Variants in OPCML observed in about 807,000 individuals in gnomAD.
The protein encoded by OPCML is opioid binding protein/cell adhesion molecule like.
OPCML carries 13 observed loss-of-function variants against 37.8 expected under a neutral mutation model. The ratio of observed to expected loss-of-function variants is 0.34; its 90% CI spans 0.22 to 0.55. The LOEUF (loss-of-function observed/expected upper bound fraction) is 0.55. Ranked by LOEUF, OPCML falls within the 20% of genes least tolerant of loss-of-function variation. The pLI is 0.91. For synonymous variants in OPCML, 176 were observed against 168.8 expected (o/e 1.04, Z -0.33); for missense variants, 341 against 435.6 (o/e 0.78, Z 1.93).
intron 3 of OPCML, among the ~76,000 whole-genome samples, chr11:132,619,042 A>G (rs1158312749): frequency 6.6e-6 from 1 of 151,964 alleles, no homozygotes; most frequent in Non-Finnish European, 1.5e-5. Context: ...TTTCGAGGGA[A>G]AGCATGGAAG....
intron 1 of OPCML, among the ~76,000 whole-genome samples, chr11:133,171,633 A>C (rs2136269833): frequency 6.6e-6 from 1 of 152,354 alleles, no homozygotes; most frequent in Admixed American, 6.5e-5. Context: ...TTGTCTGGGG[A>C]GAATTTCACA....
chr11:132,876,333 C>T (rs1381929387), intron 2 of OPCML, among the ~76,000 whole-genome samples: 1 of 152,192 alleles, frequency 6.6e-6, no homozygotes, highest in African/African-American at 2.4e-5. Context: ...ATCCTAGCAA[C>T]TCCTGAGAGC....
chr11:132,809,684 G>A (rs1939217406), intron 2 of OPCML, among the ~76,000 whole-genome samples: 1 of 151,946 alleles, frequency 6.6e-6, no homozygotes, highest in African/African-American at 2.4e-5. Flanking sequence ...ATCTCCAAGT[G>A]TTTATTTATG....
chr11:133,385,091 G>A lies in OPCML; in HGVS notation c.61+147173C>T, dbSNP rs28410942. Among the ~76,000 whole-genome samples the A allele has an allele frequency of 5.3e-5, 8 of 152,246 alleles. No homozygotes were observed. In the East Asian group the frequency reaches 1.5e-3, roughly 29 times the overall value. On this transcript the variant is annotated intron_variant, in intron 1 of 7. Coordinates refer to ENST00000524381, the MANE Select transcript of OPCML (RefSeq NM_001012393.5). ...AATAATGCAGAAGGGAGGGTGGGGG[G>A]CTCAGAGGCTTGTCCTAAGAGGCAG...
At chr11:132,790,054 A>C (rs1300590698) in intron 2 of OPCML, among the ~76,000 whole-genome samples, 2 of 152,216 alleles carry the variant, frequency 1.3e-5, no homozygotes, top group Non-Finnish European at 2.9e-5. Context: ...AAAACTAAAA[A>C]TAGAACTACC....
At chr11:133,016,629 C>A (rs563772207) in intron 1 of OPCML, among the ~76,000 whole-genome samples, 21 of 152,288 alleles carry the variant, frequency 1.4e-4, no homozygotes, top group African/African-American at 5.1e-4. Context: ...TCATTATATT[C>A]ACAGGTACCT....
chr11:132,704,560 A>T (rs1943957221), intron 2 of OPCML, among the ~76,000 whole-genome samples: 1 of 152,362 alleles, frequency 6.6e-6, no homozygotes, highest in African/African-American at 2.4e-5. Flanking sequence ...AATGAAAGAT[A>T]TTACAGTTAT....
intron 1 of OPCML, among the ~76,000 whole-genome samples, chr11:133,112,050 A>T (rs1949262118): frequency 6.6e-6 from 1 of 152,172 alleles, no homozygotes; most frequent in Admixed American, 6.5e-5. Context: ...GCTGGTTCTT[A>T]GAAAATATAT....
At chr11:133,342,735 C>A (rs957384362) in intron 1 of OPCML, among the ~76,000 whole-genome samples, 9 of 152,168 alleles carry the variant, frequency 5.9e-5, no homozygotes, top group African/African-American at 2.2e-4. Context: ...TGCAGCTGAG[C>A]TGGCCCAGGC....
intron 3 of OPCML, among the ~76,000 whole-genome samples, chr11:132,620,879 T>C (rs1469047798): frequency 6.6e-6 from 1 of 152,168 alleles, no homozygotes; most frequent in Non-Finnish European, 1.5e-5. Context: ...TCACATTTCA[T>C]CTGAGGTTGG....
chr11:132,949,135 T>G (rs1945805832), intron 1 of OPCML, among the ~76,000 whole-genome samples: 1 of 152,192 alleles, frequency 6.6e-6, no homozygotes, highest in Admixed American at 6.5e-5. Context: ...AACTTGAAAC[T>G]GACAGGTAGT....
rs567476431 is a variant in OPCML at position 133,021,153 on chromosome 11, T to C, written c.62-78143A>G. Among the ~76,000 whole-genome samples, 14 of 152,294 alleles carry C rather than the reference T, an allele frequency of 9.2e-5. 1 individual carries two copies. The South Asian group carries it at 2.7e-3, about 29-fold the overall frequency. ...CACTGAATTAGGCATCAAGATGACA[T>C]GGTCCTTGTGAAGCTTTGAGTCTTG... is the stretch of plus-strand genomic sequence containing the variant. On this transcript the variant is annotated intron_variant, in intron 1 of 7. Transcript: ENST00000524381.
chr11:132,592,056 A>C (rs1347033702), intron 3 of OPCML, among the ~76,000 whole-genome samples: 1 of 152,216 alleles, frequency 6.6e-6, no homozygotes, highest in Non-Finnish European at 1.5e-5. Flanking sequence ...AGGCAGCAGA[A>C]ATACAGAAAA....
chr11:132,539,950 GTGATGA>G lies in OPCML; in HGVS notation c.380-10770_380-10765del, dbSNP rs543337879. Among the ~76,000 whole-genome samples the G allele has an allele frequency of 3.3e-5, 5 of 151,950 alleles. No homozygotes were observed. The South Asian group carries it at 8.3e-4, about 25-fold the overall frequency. On this transcript the variant is annotated intron_variant, in intron 3 of 7. Coordinates refer to ENST00000524381, the MANE Select transcript of OPCML (RefSeq NM_001012393.5). ...GATGTTGGTGATGATGATTGTGGTA[GTGATGA>G]TGATGATGATGATAATGATGATAAT...
intron 1 of OPCML, among the ~76,000 whole-genome samples, chr11:133,169,335 T>A (rs536389245): frequency 6.6e-6 from 1 of 152,060 alleles, no homozygotes; most frequent in South Asian, 2.1e-4. Context: ...AAAAACCACA[T>A]GAGAAGGAAA....
At chr11:132,581,872 G>A (rs1259635890) in intron 3 of OPCML, among the ~76,000 whole-genome samples, 1 of 151,920 alleles carries the variant, frequency 6.6e-6, no homozygotes, top group Non-Finnish European at 1.5e-5. Flanking sequence ...GAATTCCAAG[G>A]CATTCCAGGT....
At chr11:132,461,831 G>A (rs949333179) in intron 4 of OPCML, among the ~76,000 whole-genome samples, 8 of 152,080 alleles carry the variant, frequency 5.3e-5, no homozygotes, top group Non-Finnish European at 8.8e-5. Flanking sequence ...CAAGCGAAAG[G>A]GGAAAAGCCC....
chr11:133,263,094 G>T (rs929531772), intron 1 of OPCML, among the ~76,000 whole-genome samples: 12 of 151,876 alleles, frequency 7.9e-5, no homozygotes, highest in Middle Eastern at 3.2e-3. Context: ...TTGGACTGTG[G>T]CTCGGACATT....
chr11:132,919,910 G>A (rs992960600), intron 2 of OPCML, among the ~76,000 whole-genome samples: 5 of 152,194 alleles, frequency 3.3e-5, no homozygotes, highest in African/African-American at 7.2e-5. Flanking sequence ...CGTATTGTGC[G>A]AGTCCACATA....
Sources: gnomAD v4.1 joint callset for allele counts (sites outside exome capture counted in the v4.1 genomes callset) on GRCh38, gnomAD v4.1.1 for gene constraint, MANE v1.5 for transcripts, NCBI Gene and HGNC (gene_info 2026-07-23, HGNC 2026-07-21) for gene names.